The following KLK12 variants were observed in gnomAD, a reference collection of about 807,000 sequenced individuals.
KLK12 encodes the protein kallikrein-12.
A neutral mutation model predicts 20.0 loss-of-function variants in KLK12; 23 were observed. That is an observed-to-expected ratio of 1.15 (90% CI 0.83 to 1.63). KLK12 has a LOEUF of 1.63. KLK12 is among the 40% of genes most tolerant of loss of function. The pLI is 0.00. For synonymous variants in KLK12, 147 were observed against 141.9 expected (o/e 1.04, Z -0.25); for missense variants, 351 against 338.6 (o/e 1.04, Z -0.29).
At chr19:51,032,438 G>A (rs542835162) in intron 3 of KLK12, among the ~76,000 whole-genome samples, 1 of 144,266 alleles carries the variant, frequency 6.9e-6, no homozygotes, top group African/African-American at 2.6e-5. Flanking sequence ...CCAGGCTGGA[G>A]TGCAGTGGCA....
intron 5 of KLK12, among the ~76,000 whole-genome samples, chr19:51,029,668 T>C (rs2091533329): frequency 6.6e-6 from 1 of 151,942 alleles, no homozygotes; most frequent in African/African-American, 2.4e-5. Flanking sequence ...GGAAGAAGGG[T>C]GGAACTCCAT....
rs199660412 is a variant in KLK12, at chr19:51,034,118, G to C, written c.59C>G (p.Pro20Arg). The change falls in exon 3 of 6, where the codon CCG becomes CGG. Residue 20 changes from proline to arginine, a missense_variant. Coordinates refer to ENST00000684732, the MANE Select transcript of KLK12 (RefSeq NM_001370125.1). The stretch of plus-strand genomic sequence containing the variant: ...ACACTCAGTGCCATTGAAAATCTTC[G>C]GTGTGGCTGCCTGGCTGAGCCCTGG... ...CVLGLSQAAT[P>R]KIFNGTECGR... 30 of 1,554,476 alleles carry C rather than the reference G, an allele frequency of 1.9e-5. No homozygotes were observed. Among genetic ancestry groups the C allele is most frequent in the African/African-American group, 4.1e-5 (3 of 73,228 alleles).
rs754137431 is a variant in KLK12 at position 51,031,918 on chromosome 19, C to T, written c.415G>A (p.Glu139Lys). The change falls in exon 4 of 6, where the codon GAG becomes AAG. Residue 139 changes from glutamate to lysine, a missense_variant. Transcript: ENST00000684732. ...LPNDCATAGT[E>K]CHVSGWGITN... Reference sequence around the variant, plus strand: ...ATGCCCCAGCCTGAGACGTGGCACTCGGTGCCAGCGGTTGCACAGTCATTG... The same window carrying T: ...ATGCCCCAGCCTGAGACGTGGCACTTGGTGCCAGCGGTTGCACAGTCATTG... 4.1e-5 allele frequency: 66 copies of T among 1,613,296 alleles called. No homozygotes were observed. Among genetic ancestry groups the T allele is most frequent in the South Asian group, 2.0e-4 (18 of 91,048 alleles).
At chr19:51,034,251 C>G (rs1020550448) in intron 2 of KLK12, 112 bp from the exon 3 acceptor site, 13 of 1,310,434 alleles carry the variant, frequency 9.9e-6, no homozygotes, top group Admixed American at 2.0e-5. Context: ...GAAAGAGAGA[C>G]GAGAAAGAGA....
intron 4 of KLK12, 93 bp downstream of exon 4, chr19:51,031,783 T>G (rs1352432474): frequency 1.0e-5 from 14 of 1,355,070 alleles, no homozygotes; most frequent in Non-Finnish European, 1.4e-5. Context: ...CCTTTACCCA[T>G]CCTTCCTCTG....
rs776990216 is a variant in KLK12, at chr19:51,032,025, G to C, written c.308C>G (p.Thr103Arg). The C allele has an allele frequency of 2.4e-5, 38 of 1,609,170 alleles. No homozygotes were observed. The highest frequency in any genetic ancestry group is 3.1e-5 in the Non-Finnish European group (37 of 1,179,014). Residue 103 changes from threonine (T) to arginine (R), a missense_variant, in exon 4 of 6, where the codon ACG becomes AGG. Transcript: ENST00000684732. ...VTHPGYLGASTSHEHDLRLLR... is the reference protein window; with the variant it reads ...VTHPGYLGASRSHEHDLRLLR... ...CAGCCGGAGGTCGTGCTCGTGGCTC[G>C]TCGAGGCTCCCAGGTAGCCGGGATG...
chr19:51,034,082 G>A lies in KLK12; in HGVS notation c.95C>T (p.Ser32Leu). The A allele has an allele frequency of 6.4e-7, 1 of 1,571,100 alleles. No individual in the cohort carries two copies. Among genetic ancestry groups the A allele is most frequent in the Non-Finnish European group, 8.6e-7 (1 of 1,157,472 alleles). ...IFNGTECGRN[S>L]QPWQVGLFEG... ...AAACAGCCCCACCTGCCACGGCTGTGAGTTACGCCCACACTCAGTGCCATT... is the reference window on the plus strand; with the variant it reads ...AAACAGCCCCACCTGCCACGGCTGTAAGTTACGCCCACACTCAGTGCCATT... Residue 32 changes from serine (S) to leucine (L), a missense_variant, in exon 3 of 6, where the codon TCA becomes TTA. Transcript: ENST00000684732.
At position 51,034,249 on chromosome 19, in the gene KLK12, G is replaced by A. The variant is rs1442973815; in HGVS notation, c.38-110C>T. 10 of 1,311,760 alleles carry A rather than the reference G, an allele frequency of 7.6e-6. No individual in the cohort carries two copies. In the Admixed American group the frequency reaches 1.4e-4, roughly 18 times the overall value. 81.3% of individuals were successfully genotyped at this position (1,311,760 alleles called of 1,614,324 possible). A position where few individuals can be genotyped will look rare whatever the true frequency, so the allele number is the denominator to read the frequency against. The stretch of plus-strand genomic sequence containing the variant: ...GCAGGAGAGAGAGAGGAGAAAGAGA[G>A]ACGAGAAAGAGAGAGAAAGAGAGAG... On this transcript the variant is annotated intron_variant, in intron 2 of 5. Coordinates refer to ENST00000684732, the MANE Select transcript of KLK12 (RefSeq NM_001370125.1).
rs1189464246 is a variant in KLK12 at position 51,034,780 on chromosome 19, T to A, written c.-20+26A>T. 3 of 1,498,882 alleles carry A rather than the reference T, an allele frequency of 2.0e-6. No individual in the cohort carries two copies. The African/African-American group carries it at 4.2e-5, about 21-fold the overall frequency. The allele number at this position is 1,498,882 out of a possible 1,614,324, so 92.8% of individuals were successfully genotyped here. A position where few individuals can be genotyped will look rare whatever the true frequency, so the allele number is the denominator to read the frequency against. On this transcript the variant is annotated intron_variant, in intron 1 of 5. Coordinates refer to ENST00000684732, the MANE Select transcript of KLK12 (RefSeq NM_001370125.1). ...TGCTCCCCTGTGTGTCACTCCCTCA[T>A]TGGCAGTCGCCTACCTCCTTCTCAC...
Position 51,031,344 on chromosome 19 carries a change from A to T in KLK12, c.458-423T>A, listed in dbSNP as rs533709217. 9.2e-5 allele frequency among the ~76,000 whole-genome samples: 14 copies of T among 151,862 alleles called. No homozygotes were observed. In the South Asian group the frequency reaches 2.9e-3, roughly 32 times the overall value. On this transcript the variant is annotated intron_variant, in intron 4 of 5. Transcript: ENST00000684732. ...TCCAACCTCAGCTCTGCATCTTCCA[A>T]ACCTCACTGCTTCCAACGCCAGTGT...
At position 51,034,089 on chromosome 19, in the gene KLK12, G is replaced by T; in HGVS notation, c.88C>A (p.Arg30Ser). Residue 30 changes from arginine (R) to serine (S), a missense_variant, in exon 3 of 6, where the codon CGT becomes AGT. Arg to Ser is a moderately radical substitution (Grantham distance 110, BLOSUM62 -1). Coordinates refer to ENST00000684732, the MANE Select transcript of KLK12 (RefSeq NM_001370125.1). ...CCCACCTGCCACGGCTGTGAGTTAC[G>T]CCCACACTCAGTGCCATTGAAAATC... ...PKIFNGTECG[R>S]NSQPWQVGLF... The T allele has an allele frequency of 6.4e-7, 1 of 1,566,528 alleles. No individual in the cohort carries two copies. Among genetic ancestry groups the T allele is most frequent in the East Asian group, 2.4e-5 (1 of 42,272 alleles).
chr19:51,033,199 G>A (rs368404404), intron 3 of KLK12, among the ~76,000 whole-genome samples: 14 of 139,804 alleles, frequency 1.0e-4, no homozygotes, highest in African/African-American at 3.7e-4. Context: ...TTGGATGACA[G>A]AAAGAGCAAG....
At position 51,029,280 on chromosome 19, in the gene KLK12, G is replaced by A. The variant is rs1227249242; in HGVS notation, c.*22C>T. On this transcript the variant is annotated 3_prime_UTR_variant, in exon 6 of 6. Transcript: ENST00000684732. ...GAGGGGTACCCAAGTTAAGGGGTGG[G>A]GGTGGAGGTGGAGGAAACAGGTCAG... The A allele has an allele frequency of 1.9e-6, 3 of 1,614,096 alleles. No individual in the cohort carries two copies. Among genetic ancestry groups the A allele is most frequent in the East Asian group, 2.2e-5 (1 of 44,870 alleles).
intron 3 of KLK12, among the ~76,000 whole-genome samples, chr19:51,033,493 G>A (rs945134500): frequency 4.6e-5 from 7 of 152,156 alleles, no homozygotes; most frequent in South Asian, 4.1e-4. Context: ...GCGGGTGCCT[G>A]TAATCCCAGC....
rs1555789322 is a variant in KLK12, at chr19:51,031,595, C to CATATATATAT, written c.457+271_457+280dup. The stretch of plus-strand genomic sequence containing the variant: ...CCACAATGCCCATATCCTATACATA[C>CATATATATAT]ATATATATATATATATGCCTTTTGC... On this transcript the variant is annotated intron_variant, in intron 4 of 5. Transcript: ENST00000684732. 9.2e-4 allele frequency among the ~76,000 whole-genome samples: 110 copies of CATATATATAT among 119,706 alleles called. 6 individuals are homozygous for CATATATATAT. Among genetic ancestry groups the CATATATATAT allele is most frequent in the Non-Finnish European group, 1.5e-3 (81 of 53,842 alleles). The allele number at this position is 119,706 out of a possible 152,430, so 78.5% of individuals were successfully genotyped here. A position where few individuals can be genotyped will look rare whatever the true frequency, so the allele number is the denominator to read the frequency against.
chr19:51,033,979 C>T lies in KLK12; in HGVS notation c.197+1G>A, dbSNP rs1300594776. The T allele has an allele frequency of 1.2e-6, 2 of 1,611,254 alleles. No homozygotes were observed. The highest frequency in any genetic ancestry group is 1.7e-6 in the Non-Finnish European group (2 of 1,179,290). The stretch of plus-strand genomic sequence containing the variant: ...TTCGCCCACCCCAGGAAGGGACTTA[C>T]CTGCCGCTGCAGTGAGCCGCTGTGA... On this transcript the variant is annotated splice_donor_variant, in intron 3 of 5. Transcript: ENST00000684732. LOFTEE classifies it high-confidence loss of function.
rs145647997 is a variant in KLK12, at chr19:51,034,017, G to C, written c.160C>G (p.His54Asp). Residue 54 changes from histidine to aspartate, a missense_variant, in exon 3 of 6, where the codon CAC becomes GAC. Physicochemically the swap from His to Asp is moderately conservative, Grantham distance 81. Coordinates refer to ENST00000684732, the MANE Select transcript of KLK12 (RefSeq NM_001370125.1). ...SLRCGGVLID[H>D]RWVLTAAHCS... ...TGAGCCGCTGTGAGGACCCACCTGT[G>C]GTCAATAAGGACACCCCCGCAGCGC... is the stretch of plus-strand genomic sequence containing the variant. 1.2e-6 allele frequency: 2 copies of C among 1,610,680 alleles called. No homozygotes were observed. The highest frequency in any genetic ancestry group is 4.5e-5 in the East Asian group (2 of 44,786).
intron 4 of KLK12, among the ~76,000 whole-genome samples, chr19:51,031,531 C>T (rs1023802217): frequency 6.7e-6 from 1 of 150,282 alleles, no homozygotes; most frequent in South Asian, 2.1e-4. Context: ...GATCCCATGA[C>T]CTTAATTCTA....
intron 3 of KLK12, chr19:51,033,767 C>T: frequency 1.6e-6 from 1 of 618,036 alleles, no homozygotes; most frequent in Non-Finnish European, 2.9e-6. Context: ...GGGCAGGTTC[C>T]AGGACCCTCC....
Sources: gnomAD v4.1 joint callset for allele counts (sites outside exome capture counted in the v4.1 genomes callset) on GRCh38, gnomAD v4.1.1 for gene constraint, MANE v1.5 for transcripts, NCBI Gene and HGNC (gene_info 2026-07-23, HGNC 2026-07-21) for gene names.